The following TSG101 variants were observed in gnomAD, a reference collection of about 807,000 sequenced individuals.
TSG101 encodes tumor susceptibility 101, also known as tumor susceptibility gene 101 protein.
A neutral mutation model predicts 48.5 loss-of-function variants in TSG101; 19 were observed. The observed-to-expected ratio is 0.39, with a 90% CI of 0.27 to 0.58. The LOEUF (loss-of-function observed/expected upper bound fraction) is 0.58, where lower values mean the gene tolerates loss of function less well. Ranked by LOEUF, TSG101 falls within the 20% of genes least tolerant of loss-of-function variation. The probability of loss-of-function intolerance (pLI) is 0.55; values close to 1 mark genes in which losing one functional copy is unlikely to be tolerated. For missense variants in TSG101, 365 were observed against 484.4 expected, an observed-to-expected ratio of 0.75 and a Z score of 2.31; for synonymous variants, 174 against 169.4, an observed-to-expected ratio of 1.03 and a Z score of -0.21.
At chr11:18,484,150 G>T in intron 7 of TSG101, 78 bp from the exon 8 acceptor site, 2 of 1,455,278 alleles carry the variant, frequency 1.4e-6, no homozygotes, top group South Asian at 2.3e-5. Flanking sequence ...CTTCAGAAAA[G>T]GGGGCAATAT....
chr11:18,514,571 A>G (rs1850138461), intron 4 of TSG101, 107 bp downstream of exon 4: 2 of 880,198 alleles, frequency 2.3e-6, no homozygotes, highest in Non-Finnish European at 3.2e-6. Flanking sequence ...CATTATCTGA[A>G]CTTATCTATC....
chr11:18,510,084 T>G (rs1850053423), intron 4 of TSG101, among the ~76,000 whole-genome samples: 1 of 152,222 alleles, frequency 6.6e-6, no homozygotes, highest in Non-Finnish European at 1.5e-5. Context: ...ATACGTGTTC[T>G]TAAAATTAAT....
intron 7 of TSG101, among the ~76,000 whole-genome samples, chr11:18,484,465 T>C (rs1301933089): frequency 2.0e-5 from 3 of 152,218 alleles, no homozygotes; most frequent in Non-Finnish European, 4.4e-5. Flanking sequence ...GCTTCGCTGC[T>C]AAGCTGAAGG....
At chr11:18,497,289 A>G (rs2133913647) in intron 7 of TSG101, among the ~76,000 whole-genome samples, 1 of 152,330 alleles carries the variant, frequency 6.6e-6, no homozygotes, top group East Asian at 1.9e-4. Context: ...ATGTTCAACT[A>G]ATGAAATATG....
rs1319386626 is a variant in TSG101 at position 18,526,005 on chromosome 11, A to G, written c.42+770T>C. Among the ~76,000 whole-genome samples the G allele has an allele frequency of 2.6e-5, 4 of 152,250 alleles. No individual in the cohort carries two copies. The East Asian group carries it at 7.7e-4, about 29-fold the overall frequency. ...AAGACTCAACTCTCAATCATTTTACATAGTTTTGGAAAATTACAACAAAAC... is the reference window on the plus strand; with the variant it reads ...AAGACTCAACTCTCAATCATTTTACGTAGTTTTGGAAAATTACAACAAAAC... On this transcript the variant is annotated intron_variant, in intron 1 of 9. Coordinates refer to ENST00000251968, the MANE Select transcript of TSG101 (RefSeq NM_006292.4).
At chr11:18,504,660 AT>A (rs1164513472) in intron 6 of TSG101, among the ~76,000 whole-genome samples, 1 of 152,110 alleles carries the variant, frequency 6.6e-6, no homozygotes, top group Non-Finnish European at 1.5e-5. Context: ...ACATTGCTGA[AT>A]TTTTTTGTAA....
intron 2 of TSG101, among the ~76,000 whole-genome samples, chr11:18,517,990 T>C (rs1201090660): frequency 6.6e-6 from 1 of 152,254 alleles, no homozygotes; most frequent in Non-Finnish European, 1.5e-5. Context: ...CATGAAACTA[T>C]ACAAGACTTT....
chr11:18,526,806 G>C lies in TSG101; in HGVS notation c.11C>G (p.Ser4Trp). 1 of 1,603,018 alleles carries C rather than the reference G, an allele frequency of 6.2e-7. No homozygotes were observed. Among genetic ancestry groups the C allele is most frequent in the Non-Finnish European group, 8.5e-7 (1 of 1,179,578 alleles). The change falls in exon 1 of 10, where the codon TCG becomes TGG. Residue 4 changes from serine (S) to tryptophan (W), a missense_variant. Ser to Trp is a radical substitution (Grantham distance 177, BLOSUM62 -3). Coordinates refer to ENST00000251968, the MANE Select transcript of TSG101 (RefSeq NM_006292.4). ...CACCATTTTCTTGAGCTGGCTCTCCGACACCGCCATGACGGCCGCCTGGCG... is the reference window on the plus strand; with the variant it reads ...CACCATTTTCTTGAGCTGGCTCTCCCACACCGCCATGACGGCCGCCTGGCG... MAV[S>W]ESQLKKMVSK...
chr11:18,494,600 C>CTCAG (rs1211256344), intron 7 of TSG101, among the ~76,000 whole-genome samples: 1 of 152,176 alleles, frequency 6.6e-6, no homozygotes, highest in African/African-American at 2.4e-5. Flanking sequence ...AGACTAAACT[C>CTCAG]TCAGCATTTA....
chr11:18,512,481 G>A (rs1480173748), intron 4 of TSG101, among the ~76,000 whole-genome samples: 1 of 152,088 alleles, frequency 6.6e-6, no homozygotes, highest in Non-Finnish European at 1.5e-5. Context: ...TTTTAAGTCT[G>A]TGTCTGATAA....
chr11:18,500,031 G>A (rs1241644435), intron 7 of TSG101, among the ~76,000 whole-genome samples: 2 of 151,904 alleles, frequency 1.3e-5, no homozygotes. Flanking sequence ...TAAGTCTCTG[G>A]TGTCTATCAT....
At chr11:18,480,675 T>C in intron 9 of TSG101, 40 bp from the exon 10 acceptor site, 1 of 1,580,448 alleles carries the variant, frequency 6.3e-7, no homozygotes, top group Non-Finnish European at 8.7e-7. Context: ...AGAATGGCTT[T>C]GATTTAGGCC....
At position 18,483,783 on chromosome 11, in the gene TSG101, T is replaced by C. The variant is rs1424473863; in HGVS notation, c.843+87A>G. 7 of 1,410,140 alleles carry C rather than the reference T, an allele frequency of 5.0e-6. No homozygotes were observed. The East Asian group carries it at 1.1e-4, about 23-fold the overall frequency. 87.4% of individuals were successfully genotyped at this position (1,410,140 alleles called of 1,614,324 possible). ...CCTATAATTTTCTGAACTCCTACTA[T>C]GCCCACAACATCCAGGGAACATATA... On this transcript the variant is annotated intron_variant, in intron 8 of 9. Transcript: ENST00000251968.
intron 7 of TSG101, among the ~76,000 whole-genome samples, chr11:18,488,840 G>C (rs531059451): frequency 6.6e-6 from 1 of 152,076 alleles, no homozygotes; most frequent in Non-Finnish European, 1.5e-5. Flanking sequence ...AAAGGATGAT[G>C]GGGGGCCGGG....
Position 18,481,648 on chromosome 11 carries a change from G to A in TSG101, c.1065C>T (p.Asp355=). Residue 355 remains aspartate (D), a synonymous_variant, in exon 9 of 10, where the codon GAC becomes GAT. Transcript: ENST00000251968. ...GAAATACCTTCAGGAAGACATCCAG[G>A]TCTATCACGCCCCTTCTCAAGGCTT... ...LGEALRRGVI[D]LDVFLKHVRL... 2 of 1,613,736 alleles carry A rather than the reference G, an allele frequency of 1.2e-6. No homozygotes were observed. Among genetic ancestry groups the A allele is most frequent in the Non-Finnish European group, 1.7e-6 (2 of 1,179,862 alleles).
chr11:18,508,330 G>A (rs572882177), intron 5 of TSG101, among the ~76,000 whole-genome samples: 1 of 151,250 alleles, frequency 6.6e-6, no homozygotes, highest in East Asian at 2.0e-4. Flanking sequence ...CGAGTAGCTG[G>A]GACTACAGGC....
chr11:18,496,013 GGCCA>G (rs1849771494), intron 7 of TSG101, among the ~76,000 whole-genome samples: 1 of 151,984 alleles, frequency 6.6e-6, no homozygotes, highest in Admixed American at 6.6e-5. Flanking sequence ...CAAAGGGAGG[GGCCA>G]ATTAGTCCAC....
At chr11:18,512,306 T>G (rs902044888) in intron 4 of TSG101, among the ~76,000 whole-genome samples, 1 of 152,190 alleles carries the variant, frequency 6.6e-6, no homozygotes, top group Non-Finnish European at 1.5e-5. Context: ...CTCAGGAGGT[T>G]GAGGCAGTCT....
chr11:18,500,646 T>C (rs990033354), intron 7 of TSG101, among the ~76,000 whole-genome samples: 2 of 152,202 alleles, frequency 1.3e-5, no homozygotes, highest in Non-Finnish European at 2.9e-5. Flanking sequence ...GAAATGTCTA[T>C]TCATGTTCTT....
Sources: allele counts gnomAD v4.1 joint callset (sites outside exome capture counted in the v4.1 genomes callset), GRCh38; gene constraint gnomAD v4.1.1; transcripts MANE v1.5; gene names NCBI Gene and HGNC (gene_info 2026-07-23, HGNC 2026-07-21).